EEIG1: variants seen among roughly 807,000 people sequenced by gnomAD.
EEIG1 encodes the protein estrogen-induced osteoclastogenesis regulator 1.
At chr9:127,971,547 C>T in the EEIG1 span, among the ~76,000 whole-genome samples, 3 of 5,616 alleles carry the variant, frequency 5.3e-4, no homozygotes, top group South Asian at 7.2e-3. Context: ...GAATGCGGGG[C>T]GGGGGGGCGG....
chr9:127,947,487 G>C, the EEIG1 span, among the ~76,000 whole-genome samples: 4 of 152,238 alleles, frequency 2.6e-5, no homozygotes, highest in South Asian at 8.3e-4. Flanking sequence ...CATGTGCTGG[G>C]CAGGTGCCCA....
chr9:127,944,932 G>A, the EEIG1 span: 1 of 1,601,882 alleles, frequency 6.2e-7, no homozygotes, highest in African/African-American at 1.3e-5. Flanking sequence ...AGTCACAACG[G>A]TCAGGGCAGT....
At chr9:127,951,824 A>AG in the EEIG1 span, among the ~76,000 whole-genome samples, 1 of 151,206 alleles carries the variant, frequency 6.6e-6, no homozygotes. Flanking sequence ...CAAAAAAAAA[A>AG]AAAAAAAGAA....
At chr9:127,952,960 G>A in the EEIG1 span, among the ~76,000 whole-genome samples, 2 of 152,070 alleles carry the variant, frequency 1.3e-5, no homozygotes, top group Non-Finnish European at 1.5e-5. Context: ...CAGGCAATTC[G>A]CTTGCCTCAG....
the EEIG1 span, chr9:127,950,699 G>C: frequency 7.1e-7 from 1 of 1,414,686 alleles, no homozygotes; most frequent in Non-Finnish European, 9.2e-7. Context: ...TGGGACCCAA[G>C]GACAGAGGCC....
At chr9:127,945,819 T>A in the EEIG1 span, 1 of 1,115,244 alleles carries the variant, frequency 9.0e-7, no homozygotes, top group Non-Finnish European at 1.3e-6. This position sits in a 1 kb window ranked among gnomAD's most constrained non-coding sequence, Gnocchi z 6.5. Context: ...ACTGTCGCCC[T>A]TCACAACGTG....
the EEIG1 span, chr9:127,953,359 C>G: frequency 1.7e-5 from 10 of 580,536 alleles, no homozygotes; most frequent in African/African-American, 1.9e-4. Flanking sequence ...CCCTTTTGCT[C>G]TGTGGACTTC....
At chr9:127,941,742 C>G in the EEIG1 span, 2 of 152,176 alleles carry the variant, frequency 1.3e-5, no homozygotes, top group Non-Finnish European at 2.9e-5. Context: ...TCCCGGCCCC[C>G]CAGCTGGGCC....
the EEIG1 span, chr9:127,947,956 C>T: frequency 8.1e-7 from 1 of 1,229,022 alleles, no homozygotes; most frequent in East Asian, 2.3e-5. Flanking sequence ...CATGCAAACA[C>T]CCTCCCACCA....
chr9:127,971,037 G>A, the EEIG1 span, among the ~76,000 whole-genome samples: 1 of 152,204 alleles, frequency 6.6e-6, no homozygotes, highest in African/African-American at 2.4e-5. Flanking sequence ...CCTAGGGGGA[G>A]CAGGGAGCCA....
At chr9:127,977,838 CA>C in the EEIG1 span, among the ~76,000 whole-genome samples, 2 of 152,180 alleles carry the variant, frequency 1.3e-5, no homozygotes, top group African/African-American at 4.8e-5. Context: ...ATGGGGCCCC[CA>C]CCTCCACTCC....
the EEIG1 span, among the ~76,000 whole-genome samples, chr9:127,955,865 C>G: frequency 1.3e-5 from 2 of 152,250 alleles, no homozygotes; most frequent in African/African-American, 4.8e-5. Flanking sequence ...AGAGGGCAGG[C>G]AGACCTGGGC....
At chr9:127,951,680 G>A in the EEIG1 span, among the ~76,000 whole-genome samples, 722 of 152,134 alleles carry the variant, frequency 4.7e-3, 5 homozygotes, top group African/African-American at 0.016. Flanking sequence ...AGCCGGGCGA[G>A]GTGGCGGGCA....
the EEIG1 span, among the ~76,000 whole-genome samples, chr9:127,964,872 C>T: frequency 6.6e-6 from 1 of 151,974 alleles, no homozygotes; most frequent in African/African-American, 2.4e-5. Flanking sequence ...GAGGCTGAGG[C>T]GGGTGGATCA....
the EEIG1 span, among the ~76,000 whole-genome samples, chr9:127,966,063 G>A: frequency 2.0e-5 from 3 of 152,216 alleles, no homozygotes; most frequent in Non-Finnish European, 2.9e-5. Context: ...TGGGATTGGC[G>A]GGTGGGCCGG....
chr9:127,968,773 C>G, the EEIG1 span, among the ~76,000 whole-genome samples: 1 of 152,176 alleles, frequency 6.6e-6, no homozygotes, highest in East Asian at 1.9e-4. Context: ...CAGCCCTGCA[C>G]AGACTCAGAC....
chr9:127,980,673 C>T, the EEIG1 span, among the ~76,000 whole-genome samples: 1 of 150,152 alleles, frequency 6.7e-6, no homozygotes, highest in Admixed American at 6.6e-5. Flanking sequence ...GCAGGTGAAG[C>T]CGGGGAAGGT....
the EEIG1 span, among the ~76,000 whole-genome samples, chr9:127,980,943 C>T: frequency 2.7e-5 from 4 of 149,364 alleles, no homozygotes; most frequent in East Asian, 3.9e-4. Flanking sequence ...CCTGCGGCCC[C>T]GACGCTGCAG....
chr9:127,943,123 C>A, the EEIG1 span: 6 of 1,475,566 alleles, frequency 4.1e-6, no homozygotes, highest in Admixed American at 1.7e-5. Flanking sequence ...GGGGAAAGTT[C>A]CTCATGGAAT....
Sources: allele counts gnomAD v4.1 joint callset (sites outside exome capture counted in the v4.1 genomes callset), GRCh38; gene constraint gnomAD v4.1.1; non-coding constraint Gnocchi (gnomAD v3.1); transcripts MANE v1.5; gene names NCBI Gene and HGNC (gene_info 2026-07-23, HGNC 2026-07-21).